TOX2: variants seen among roughly 807,000 people sequenced by gnomAD.
TOX2 encodes granulosa cell HMG box 1.
A neutral mutation model predicts 47.4 loss-of-function variants in TOX2; 15 were observed. The ratio of observed to expected loss-of-function variants is 0.32; its 90% CI spans 0.21 to 0.49. The LOEUF is 0.49. Among genes scored for constraint, TOX2 ranks in the 20% least tolerant of loss-of-function variants. The pLI is 0.99. For synonymous variants in TOX2, 290 were observed against 296.6 expected (o/e 0.98, Z 0.23); for missense variants, 622 against 673.1 (o/e 0.92, Z 0.84).
chr20:44,039,939 G>A (rs1475855861), intron 3 of TOX2, among the ~76,000 whole-genome samples: 4 of 152,206 alleles, frequency 2.6e-5, no homozygotes, highest in South Asian at 2.1e-4. Context: ...AGGGACCCCC[G>A]AGGTGGGCCG....
intron 1 of TOX2, among the ~76,000 whole-genome samples, chr20:43,932,079 G>A (rs2069259352): frequency 6.6e-6 from 1 of 152,160 alleles, no homozygotes; most frequent in Admixed American, 6.5e-5. Flanking sequence ...TGGATCTGGG[G>A]TATGGTGGAG....
At chr20:44,055,932 T>C (rs1356729444) in intron 5 of TOX2, among the ~76,000 whole-genome samples, 1 of 152,078 alleles carries the variant, frequency 6.6e-6, no homozygotes. Context: ...TTGGAATATG[T>C]TATAATGCAG....
chr20:44,002,501 G>A (rs6031287), intron 2 of TOX2, among the ~76,000 whole-genome samples: 18 of 152,316 alleles, frequency 1.2e-4, no homozygotes, highest in African/African-American at 4.3e-4. Flanking sequence ...TAGCAGCCCT[G>A]TAGATACATA....
rs1252409883 is a variant in TOX2, at chr20:44,054,294, G to T, written c.652-5G>T. On this transcript the variant is annotated splice_region_variant and splice_polypyrimidine_tract_variant and intron_variant, in intron 4 of 8. Coordinates refer to ENST00000341197, the MANE Select transcript of TOX2 (RefSeq NM_001098797.2). ...TTGGTTTTCTGACTCTTCTCACTCGGGCAGATCTCGGGAGAAAAGAGACCT... is the reference window on the plus strand; with the variant it reads ...TTGGTTTTCTGACTCTTCTCACTCGTGCAGATCTCGGGAGAAAAGAGACCT... 5 of 1,603,348 alleles carry T rather than the reference G, an allele frequency of 3.1e-6. No homozygotes were observed. Among genetic ancestry groups the T allele is most frequent in the Non-Finnish European group, 3.4e-6 (4 of 1,174,644 alleles).
intron 3 of TOX2, among the ~76,000 whole-genome samples, chr20:44,049,365 C>A (rs563594881): frequency 6.6e-6 from 1 of 152,284 alleles, no homozygotes; most frequent in Admixed American, 6.5e-5. Flanking sequence ...TCAAAGAAAA[C>A]CTTAACAAAA....
intron 2 of TOX2, among the ~76,000 whole-genome samples, chr20:43,996,277 G>C (rs1430010246): frequency 6.6e-6 from 1 of 152,216 alleles, no homozygotes; most frequent in Non-Finnish European, 1.5e-5. Flanking sequence ...TGTTGTAGCT[G>C]AGATGTTCTT....
chr20:43,937,267 C>T (rs965189225), intron 1 of TOX2, among the ~76,000 whole-genome samples: 7 of 152,140 alleles, frequency 4.6e-5, no homozygotes, highest in African/African-American at 1.7e-4. Flanking sequence ...TTTTAAGTGT[C>T]GGCAACCTTG....
intron 1 of TOX2, among the ~76,000 whole-genome samples, chr20:43,968,060 A>G (rs532732890): frequency 6.6e-6 from 1 of 152,260 alleles, no homozygotes; most frequent in Admixed American, 6.5e-5. Context: ...GCTAATGTGT[A>G]CAATCCCTCA....
At chr20:44,063,350 T>G (rs971573018) in intron 5 of TOX2, among the ~76,000 whole-genome samples, 1 of 152,132 alleles carries the variant, frequency 6.6e-6, no homozygotes. Flanking sequence ...AAAGAAAATA[T>G]ACAAATGGCC....
At chr20:43,948,028 C>T (rs1240257837) in intron 1 of TOX2, among the ~76,000 whole-genome samples, 1 of 152,210 alleles carries the variant, frequency 6.6e-6, no homozygotes, top group Non-Finnish European at 1.5e-5. Flanking sequence ...ACAGCAACCT[C>T]TCTCAGCCAG....
intron 3 of TOX2, among the ~76,000 whole-genome samples, chr20:44,032,268 A>T (rs1397471986): frequency 1.3e-5 from 2 of 152,212 alleles, no homozygotes; most frequent in Non-Finnish European, 1.5e-5. Flanking sequence ...CCAGCTCAGC[A>T]CTACTGACAT....
intron 2 of TOX2, among the ~76,000 whole-genome samples, chr20:43,981,386 C>T (rs772139964): frequency 6.6e-5 from 10 of 152,094 alleles, no homozygotes; most frequent in Non-Finnish European, 1.3e-4. Context: ...TAAAACAGTA[C>T]AGTATGCTAC....
chr20:43,964,976 C>T (rs1043813197), intron 1 of TOX2, among the ~76,000 whole-genome samples: 3 of 152,170 alleles, frequency 2.0e-5, no homozygotes, highest in Non-Finnish European at 4.4e-5. Context: ...CTTCTGCTCC[C>T]CTTGGCTAAC....
intron 5 of TOX2, among the ~76,000 whole-genome samples, chr20:44,056,017 G>A (rs985645690): frequency 6.6e-6 from 1 of 152,176 alleles, no homozygotes; most frequent in African/African-American, 2.4e-5. Context: ...AGGGCAGCCA[G>A]GAAAGGGCAC....
At chr20:44,055,651 G>T (rs988733891) in intron 5 of TOX2, among the ~76,000 whole-genome samples, 2 of 152,186 alleles carry the variant, frequency 1.3e-5, no homozygotes, top group African/African-American at 2.4e-5. Context: ...GACTGGAACG[G>T]CAGCATAAGG....
chr20:43,930,548 C>T (rs916401442), intron 1 of TOX2, among the ~76,000 whole-genome samples: 5 of 152,164 alleles, frequency 3.3e-5, no homozygotes, highest in Admixed American at 3.3e-4. Context: ...TTGTCCCCTT[C>T]CCATCTCCCT....
intron 1 of TOX2, among the ~76,000 whole-genome samples, chr20:43,917,025 G>A (rs1289216133): frequency 6.6e-6 from 1 of 152,114 alleles, no homozygotes; most frequent in African/African-American, 2.4e-5. Flanking sequence ...AGGACCCCTG[G>A]CCCATAGCTG....
chr20:44,013,151 G>A (rs2070808260), intron 3 of TOX2, among the ~76,000 whole-genome samples: 1 of 152,162 alleles, frequency 6.6e-6, no homozygotes, highest in Non-Finnish European at 1.5e-5. Context: ...CAAGTTCTGG[G>A]TATTGACTCT....
At chr20:44,048,388 T>TATATATATATATATATA (rs1555845974) in intron 3 of TOX2, among the ~76,000 whole-genome samples, 8 of 86,848 alleles carry the variant, frequency 9.2e-5, no homozygotes, top group African/African-American at 2.7e-4. Context: ...TAAAATGAAT[T>TATATATATATATATATA]TATATATATA....
Sources: allele counts gnomAD v4.1 joint callset (sites outside exome capture counted in the v4.1 genomes callset), GRCh38; gene constraint gnomAD v4.1.1; transcripts MANE v1.5; gene names NCBI Gene and HGNC (gene_info 2026-07-23, HGNC 2026-07-21).